The following SGCD variants were observed in gnomAD, a reference collection of about 807,000 sequenced individuals.
SGCD encodes the protein delta-sarcoglycan.
Under a neutral mutation model 36.6 loss-of-function variants are expected in SGCD, and 18 were observed. The observed-to-expected ratio is 0.49, with a 90% CI of 0.34 to 0.73. The LOEUF is 0.73. SGCD is among the 30% of genes least tolerant of loss of function. The pLI is 0.01. For missense variants in SGCD, 387 were observed against 346.7 expected, an observed-to-expected ratio of 1.12 and a Z score of -0.92; for synonymous variants, 133 against 130.6, an observed-to-expected ratio of 1.02 and a Z score of -0.12.
the SGCD span, among the ~76,000 whole-genome samples, chr5:155,811,018 C>T: frequency 6.7e-6 from 1 of 148,924 alleles, no homozygotes; most frequent in Admixed American, 6.7e-5. Context: ...GGGGTTTCAC[C>T]GTTTTAGCCG....
intron 3 of SGCD, among the ~76,000 whole-genome samples, chr5:156,175,184 C>T (rs922313427): frequency 5.9e-5 from 9 of 152,010 alleles, no homozygotes; most frequent in South Asian, 2.1e-4. Flanking sequence ...GTAAAAATAA[C>T]CAAGAATATT....
At chr5:155,986,888 G>A (rs905255386) in intron 1 of SGCD, among the ~76,000 whole-genome samples, 63 of 152,136 alleles carry the variant, frequency 4.1e-4, no homozygotes, top group Admixed American at 4.1e-3. Context: ...ACTAGGCATG[G>A]TAGCAGTGAG....
At chr5:156,252,241 C>G (rs906895911) in intron 3 of SGCD, among the ~76,000 whole-genome samples, 1 of 151,878 alleles carries the variant, frequency 6.6e-6, no homozygotes, top group Non-Finnish European at 1.5e-5. Flanking sequence ...CCACACCTGG[C>G]TAATTTTGTA....
intron 3 of SGCD, among the ~76,000 whole-genome samples, chr5:156,355,708 C>T (rs1386663429): frequency 6.6e-6 from 1 of 152,224 alleles, no homozygotes; most frequent in African/African-American, 2.4e-5. Flanking sequence ...GTGATCCCAG[C>T]TCACTCCAAA....
the SGCD span, among the ~76,000 whole-genome samples, chr5:155,768,644 C>T: frequency 9.1e-3 from 1,387 of 152,188 alleles, 18 homozygotes; most frequent in African/African-American, 0.032. Flanking sequence ...GGCTCCAGAA[C>T]CCCTCCTTTT....
the SGCD span, among the ~76,000 whole-genome samples, chr5:155,772,350 T>G: frequency 6.6e-6 from 1 of 152,192 alleles, no homozygotes; most frequent in Non-Finnish European, 1.5e-5. Flanking sequence ...ATATTCCAAG[T>G]GCTTTCATCT....
chr5:156,200,639 A>G (rs1044741314), intron 3 of SGCD, among the ~76,000 whole-genome samples: 4 of 152,222 alleles, frequency 2.6e-5, no homozygotes, highest in Admixed American at 2.6e-4. Flanking sequence ...AGCACAGGCA[A>G]CAAGAGAAAT....
At chr5:155,848,657 C>T in the SGCD span, among the ~76,000 whole-genome samples, 11 of 152,150 alleles carry the variant, frequency 7.2e-5, no homozygotes, top group African/African-American at 2.2e-4. Context: ...CAAATGCTTG[C>T]TCATCCTCTC....
chr5:155,831,444 A>C, the SGCD span, among the ~76,000 whole-genome samples: 1 of 152,376 alleles, frequency 6.6e-6, no homozygotes, highest in South Asian at 2.1e-4. Context: ...GGAAACGTAG[A>C]AATAATTGTC....
chr5:156,735,114 C>T (rs942795962), intron 7 of SGCD, among the ~76,000 whole-genome samples: 1 of 152,184 alleles, frequency 6.6e-6, no homozygotes, highest in African/African-American at 2.4e-5. Context: ...TCAGATTTTC[C>T]AGTACCTGGA....
At chr5:156,065,362 G>C (rs1760313817) in intron 1 of SGCD, among the ~76,000 whole-genome samples, 1 of 118,362 alleles carries the variant, frequency 8.4e-6, no homozygotes, top group Non-Finnish European at 1.7e-5. Flanking sequence ...CCAACTATGT[G>C]GTCAATTTTG....
At chr5:156,408,586 T>G (rs539651752) in intron 3 of SGCD, among the ~76,000 whole-genome samples, 1 of 152,200 alleles carries the variant, frequency 6.6e-6, no homozygotes, top group Non-Finnish European at 1.5e-5. Flanking sequence ...CTTGAGCTCC[T>G]GACCTCAGGT....
At chr5:155,920,095 G>C (rs1756840824) in intron 1 of SGCD, among the ~76,000 whole-genome samples, 1 of 152,146 alleles carries the variant, frequency 6.6e-6, no homozygotes, top group Admixed American at 6.5e-5. Flanking sequence ...GCATGTCCTG[G>C]CTGCCTCAGA....
At chr5:156,450,521 A>G (rs1753960831) in intron 3 of SGCD, among the ~76,000 whole-genome samples, 2 of 150,694 alleles carry the variant, frequency 1.3e-5, no homozygotes, top group African/African-American at 4.9e-5. Flanking sequence ...GCATACAGTA[A>G]GCTGAGACAT....
chr5:156,598,379 TAAA>T (rs1439657288), intron 6 of SGCD, among the ~76,000 whole-genome samples: 2 of 151,980 alleles, frequency 1.3e-5, no homozygotes, highest in Non-Finnish European at 2.9e-5. Flanking sequence ...CCGTCTCTAC[TAAA>T]AATATAAAAA....
intron 3 of SGCD, among the ~76,000 whole-genome samples, chr5:156,147,383 T>C (rs1299743345): frequency 6.6e-6 from 1 of 152,246 alleles, no homozygotes; most frequent in African/African-American, 2.4e-5. Flanking sequence ...TACATAACTG[T>C]CATATCTAAA....
chr5:156,756,890 G>A (rs12110214), intron 7 of SGCD, among the ~76,000 whole-genome samples: 12,660 of 152,190 alleles, frequency 0.083, 867 homozygotes, highest in African/African-American at 0.19. Flanking sequence ...AGAAATGACA[G>A]CTGCATTGAA....
chr5:156,374,207 C>T (rs138076032), intron 3 of SGCD, among the ~76,000 whole-genome samples: 1 of 151,854 alleles, frequency 6.6e-6, no homozygotes, highest in Non-Finnish European at 1.5e-5. Context: ...ATTTCACTCT[C>T]TAGCCTAAAA....
chr5:156,580,324 GT>G (rs1242226598), intron 4 of SGCD, among the ~76,000 whole-genome samples: 6 of 152,146 alleles, frequency 3.9e-5, no homozygotes, highest in Non-Finnish European at 8.8e-5. Flanking sequence ...TAACCCAACC[GT>G]TCTCTTTGGC....
Sources: allele counts gnomAD v4.1 joint callset (sites outside exome capture counted in the v4.1 genomes callset), GRCh38; gene constraint gnomAD v4.1.1; transcripts MANE v1.5; gene names NCBI Gene and HGNC (gene_info 2026-07-23, HGNC 2026-07-21).